Variants in OPHN1 observed in about 807,000 individuals in gnomAD.
OPHN1 encodes the protein oligophrenin-1.
Under a neutral mutation model 60.7 loss-of-function variants are expected in OPHN1, and 11 were observed. That is an observed-to-expected ratio of 0.18 (90% CI 0.11 to 0.30). The LOEUF is 0.30. OPHN1 is among the 10% of genes least tolerant of loss of function. OPHN1 has a pLI of 1.00. For missense variants in OPHN1, 449 were observed against 611.0 expected (o/e 0.73, Z 2.80); for synonymous variants, 226 against 222.6 (o/e 1.02, Z -0.14).
intron 2 of OPHN1, among the ~76,000 whole-genome samples, chrX:68,399,827 TTC>T (rs2078704324): frequency 1.9e-5 from 1 of 53,685 alleles, no homozygotes; most frequent in Non-Finnish European, 5.7e-5. Context: ...TTTTTTTTCT[TTC>T]TTTTTTTTTT....
At chrX:68,201,419 G>A (rs1360684284) in intron 11 of OPHN1, among the ~76,000 whole-genome samples, 200 bp downstream of exon 11, 1 of 111,904 alleles carries the variant, frequency 8.9e-6, no homozygotes, top group African/African-American at 3.3e-5. Context: ...CTTGCACAGA[G>A]AAAAGCAGCA....
intron 15 of OPHN1, among the ~76,000 whole-genome samples, chrX:68,135,709 G>T (rs1354310791): frequency 1.8e-5 from 2 of 112,401 alleles, no homozygotes; most frequent in Non-Finnish European, 3.7e-5. Context: ...GAAGTGGTCA[G>T]ATTATGTATA....
Position 68,105,506 on chromosome X carries a change from A to G in OPHN1, c.1526+6348T>C, listed in dbSNP as rs978579952. 1.0e-3 allele frequency among the ~76,000 whole-genome samples: 111 copies of G among 110,618 alleles called. 1 individual carries two copies. Among genetic ancestry groups the G allele is most frequent in the Non-Finnish European group, 1.9e-3 (98 of 52,942 alleles). The stretch of plus-strand genomic sequence containing the variant: ...AAAAGGATGAGATCATGTCCTTTGC[A>G]GGGACATGGATGAAGCTGGAAACCA... On this transcript the variant is annotated intron_variant, in intron 18 of 24. Coordinates refer to ENST00000355520, the MANE Select transcript of OPHN1 (RefSeq NM_002547.3).
At chrX:68,223,263 A>T (rs1216376905) in intron 6 of OPHN1, among the ~76,000 whole-genome samples, 1 of 112,412 alleles carries the variant, frequency 8.9e-6, no homozygotes, top group African/African-American at 3.2e-5. Flanking sequence ...CACAATTCAC[A>T]ATTGCAAAGA....
intron 15 of OPHN1, among the ~76,000 whole-genome samples, chrX:68,182,188 G>GTTTTTTTTTTTTTT (rs397951860): frequency 2.2e-5 from 1 of 46,133 alleles, no homozygotes; most frequent in Non-Finnish European, 3.7e-5. Flanking sequence ...AAGCTCTGTA[G>GTTTTTTTTTTTTTT]TTTTTTTTTT....
At chrX:68,416,007 T>C (rs1247182291) in intron 2 of OPHN1, among the ~76,000 whole-genome samples, 2 of 89,957 alleles carry the variant, frequency 2.2e-5, no homozygotes. Flanking sequence ...AGAGCAAGAC[T>C]CCGTCTCAAA....
chrX:68,145,353 T>C (rs2077259398), intron 15 of OPHN1, among the ~76,000 whole-genome samples: 1 of 111,698 alleles, frequency 9.0e-6, no homozygotes, highest in African/African-American at 3.3e-5. Context: ...TTCCAACTTG[T>C]TGACATAAAG....
intron 4 of OPHN1, among the ~76,000 whole-genome samples, chrX:68,280,221 G>A (rs2078013543): frequency 9.0e-6 from 1 of 111,645 alleles, no homozygotes; most frequent in Admixed American, 9.5e-5. Flanking sequence ...AGAATCCTGT[G>A]AGTAACTAAA....
At chrX:68,085,611 C>T (rs940308900) in intron 19 of OPHN1, among the ~76,000 whole-genome samples, 2 of 111,862 alleles carry the variant, frequency 1.8e-5, no homozygotes, top group African/African-American at 6.5e-5. Flanking sequence ...ACAGATATAA[C>T]TAGTGGAATT....
chrX:68,291,642 A>C (rs2078071320), intron 3 of OPHN1, among the ~76,000 whole-genome samples: 1 of 110,519 alleles, frequency 9.0e-6, no homozygotes, highest in African/African-American at 3.3e-5. Flanking sequence ...GGGCTCCAAG[A>C]AAGCAGCCAG....
chrX:68,215,319 A>G (rs1002126492), intron 6 of OPHN1, among the ~76,000 whole-genome samples: 1 of 111,585 alleles, frequency 9.0e-6, no homozygotes, highest in African/African-American at 3.2e-5. Context: ...TAGAATATTC[A>G]GGAACTGGTG....
intron 15 of OPHN1, among the ~76,000 whole-genome samples, chrX:68,124,078 C>T (rs1259166524): frequency 9.0e-6 from 1 of 110,606 alleles, no homozygotes; most frequent in African/African-American, 3.3e-5. Context: ...CAAAAAAGAA[C>T]AGAGTAGCTA....
At chrX:68,282,189 G>A (rs1307535033) in intron 4 of OPHN1, among the ~76,000 whole-genome samples, 1 of 112,199 alleles carries the variant, frequency 8.9e-6, no homozygotes, top group East Asian at 2.8e-4. Context: ...CTCAGTAGGT[G>A]AGTGGACAAA....
chrX:68,083,521 T>C (rs975594028), intron 19 of OPHN1, among the ~76,000 whole-genome samples: 4 of 112,233 alleles, frequency 3.6e-5, no homozygotes, highest in Non-Finnish European at 7.5e-5. Context: ...CCACTAAAAG[T>C]TTCTCCCTAT....
intron 2 of OPHN1, among the ~76,000 whole-genome samples, chrX:68,314,644 T>C (rs1410162271): frequency 9.0e-6 from 1 of 110,650 alleles, no homozygotes; most frequent in Non-Finnish European, 1.9e-5. Flanking sequence ...TCTCAAACCC[T>C]TCTAAAATAT....
At chrX:68,176,973 C>CACATAT (rs2077416999) in intron 15 of OPHN1, among the ~76,000 whole-genome samples, 1 of 99,161 alleles carries the variant, frequency 1.0e-5, no homozygotes, top group African/African-American at 3.7e-5. Flanking sequence ...TTTATATATA[C>CACATAT]ATATATATAT....
chrX:68,229,215 G>A (rs2077714023), intron 6 of OPHN1, among the ~76,000 whole-genome samples: 1 of 111,281 alleles, frequency 9.0e-6, no homozygotes, highest in South Asian at 3.8e-4. Flanking sequence ...GGGATGTGAA[G>A]GACCTCTTCA....
intron 15 of OPHN1, among the ~76,000 whole-genome samples, chrX:68,179,702 G>C (rs1752150117): frequency 8.9e-6 from 1 of 111,854 alleles, no homozygotes; most frequent in African/African-American, 3.3e-5. Context: ...CACTGTCTTA[G>C]TCAATTTTCT....
At chrX:68,225,847 A>C (rs1303181389) in intron 6 of OPHN1, among the ~76,000 whole-genome samples, 1 of 112,437 alleles carries the variant, frequency 8.9e-6, no homozygotes. Flanking sequence ...GCTCCTCACC[A>C]GCAATGGAAG....
Sources: allele counts gnomAD v4.1 joint callset (sites outside exome capture counted in the v4.1 genomes callset), GRCh38; gene constraint gnomAD v4.1.1; transcripts MANE v1.5; gene names NCBI Gene and HGNC (gene_info 2026-07-23, HGNC 2026-07-21).